NMD3: variants seen among roughly 807,000 people sequenced by gnomAD.
The protein encoded by NMD3 is 60S ribosomal export protein NMD3.
Under a neutral mutation model 73.1 loss-of-function variants are expected in NMD3, and 47 were observed. That is an observed-to-expected ratio of 0.64 (90% CI 0.51 to 0.82). The LOEUF is 0.82. Among genes scored for constraint, NMD3 ranks in the 40% least tolerant of loss-of-function variants. The pLI is 0.00. For synonymous variants in NMD3, 210 were observed against 194.5 expected (o/e 1.08, Z -0.66); for missense variants, 554 against 612.5 (o/e 0.90, Z 1.01).
Position 161,238,109 on chromosome 3 carries a change from T to C in NMD3, c.578-4T>C. 6.6e-7 allele frequency: 1 copy of C among 1,520,742 alleles called. No homozygotes were observed. The allele number at this position is 1,520,742 out of a possible 1,614,324, so 94.2% of individuals were successfully genotyped here. ...TTTCATAGGGCTTTTTTTTTTTTTTTAAGATGGTCTGGATTTTTATTATTC... is the reference window on the plus strand; with the variant it reads ...TTTCATAGGGCTTTTTTTTTTTTTTCAAGATGGTCTGGATTTTTATTATTC... On this transcript the variant is annotated splice_region_variant and splice_polypyrimidine_tract_variant and intron_variant, in intron 7 of 15. Transcript: ENST00000351193.
At chr3:161,242,863 T>A (rs1216092456) in intron 11 of NMD3, among the ~76,000 whole-genome samples, 15 of 152,166 alleles carry the variant, frequency 9.9e-5, no homozygotes, top group Admixed American at 9.8e-4. Flanking sequence ...TAATTTATTC[T>A]CTTTTGTGTA....
intron 9 of NMD3, 132 bp downstream of exon 9, chr3:161,238,958 C>A: frequency 4.0e-6 from 2 of 505,524 alleles, no homozygotes; most frequent in African/African-American, 2.0e-5. Context: ...TAAGTGACTT[C>A]TAACACATTC....
At position 161,235,104 on chromosome 3, in the gene NMD3, A is replaced by G. The variant is rs762610677; in HGVS notation, c.487-18A>G. ...CTTTTTTGTGGGGCATTTATTGATCAAATAATTTATATTTTAGACTTTGCA... is the reference window on the plus strand; with the variant it reads ...CTTTTTTGTGGGGCATTTATTGATCGAATAATTTATATTTTAGACTTTGCA... On this transcript the variant is annotated intron_variant, in intron 6 of 15. Transcript: ENST00000351193. 7.7e-7 allele frequency: 1 copy of G among 1,299,158 alleles called. No individual in the cohort carries two copies. Among genetic ancestry groups the G allele is most frequent in the South Asian group, 1.3e-5 (1 of 76,518 alleles). 80.5% of individuals were successfully genotyped at this position (1,299,158 alleles called of 1,614,324 possible). A position where few individuals can be genotyped will look rare whatever the true frequency, so the allele number is the denominator to read the frequency against.
intron 11 of NMD3, among the ~76,000 whole-genome samples, chr3:161,243,977 T>A (rs1737092784): frequency 6.6e-6 from 1 of 152,174 alleles, no homozygotes; most frequent in Admixed American, 6.6e-5. Flanking sequence ...CTGTTGATAA[T>A]TCTTGCCCAT....
chr3:161,240,581 G>C (rs1736934429), intron 9 of NMD3, among the ~76,000 whole-genome samples: 1 of 134,300 alleles, frequency 7.4e-6, no homozygotes. Context: ...CTAGAGTGCA[G>C]TGGCACCACC....
chr3:161,230,491 T>C (rs1048271886), intron 4 of NMD3, among the ~76,000 whole-genome samples: 1 of 152,012 alleles, frequency 6.6e-6, no homozygotes, highest in Non-Finnish European at 1.5e-5. Context: ...TCTCTGGGAG[T>C]GTTAGAGTAC....
chr3:161,248,476 C>T (rs1254498632), intron 13 of NMD3, among the ~76,000 whole-genome samples: 2 of 151,936 alleles, frequency 1.3e-5, no homozygotes, highest in Non-Finnish European at 2.9e-5. Flanking sequence ...GGTGATAGAG[C>T]AAGATTCCGT....
At chr3:161,246,796 A>G (rs996723927) in intron 12 of NMD3, among the ~76,000 whole-genome samples, 3 of 152,222 alleles carry the variant, frequency 2.0e-5, no homozygotes, top group African/African-American at 7.2e-5. Context: ...AGATATGACA[A>G]CTATATATAT....
intron 5 of NMD3, among the ~76,000 whole-genome samples, 152 bp from the exon 6 acceptor site, chr3:161,234,574 GT>G (rs1436650342): frequency 6.6e-6 from 1 of 151,866 alleles, no homozygotes; most frequent in East Asian, 1.9e-4. Context: ...AGTATAACTT[GT>G]TTTTATGACT....
chr3:161,246,713 A>G (rs1214512563), intron 12 of NMD3, among the ~76,000 whole-genome samples: 4 of 152,190 alleles, frequency 2.6e-5, no homozygotes, highest in Non-Finnish European at 5.9e-5. Context: ...GGTTGTATCC[A>G]TATTTAGAAC....
intron 4 of NMD3, 94 bp downstream of exon 4, chr3:161,227,437 A>ATTTTTT (rs55825529): frequency 1.4e-5 from 5 of 360,854 alleles, no homozygotes; most frequent in African/African-American, 5.8e-5. Context: ...TTCAAAAGGA[A>ATTTTTT]TTTTTTTTTT....
chr3:161,222,478 C>T (rs78710377), intron 2 of NMD3, among the ~76,000 whole-genome samples: 11,062 of 151,704 alleles, frequency 0.073, 622 homozygotes, highest in South Asian at 0.18. Flanking sequence ...CCGAGTAGCT[C>T]GGATGACTTC....
At chr3:161,253,001 G>A (rs150981667), downstream of NMD3, 32,496 of 328,688 alleles carry the variant, frequency 0.099, 2,076 homozygotes, top group East Asian at 0.24. Flanking sequence ...GGACGCTGAG[G>A]CAGGAGAATC....
chr3:161,243,434 A>G (rs534805207), intron 11 of NMD3, among the ~76,000 whole-genome samples: 1 of 152,270 alleles, frequency 6.6e-6, no homozygotes, highest in South Asian at 2.1e-4. Flanking sequence ...CTGTGTTCAG[A>G]TTTCCTCATT....
chr3:161,247,461 G>T, intron 13 of NMD3, 131 bp downstream of exon 13: 1 of 516,506 alleles, frequency 1.9e-6, no homozygotes, highest in Non-Finnish European at 3.4e-6. Context: ...TGCAGATAAG[G>T]TATAATAGCA....
At chr3:161,243,774 A>G (rs1737083611) in intron 11 of NMD3, among the ~76,000 whole-genome samples, 1 of 152,210 alleles carries the variant, frequency 6.6e-6, no homozygotes, top group South Asian at 2.1e-4. Context: ...AGATGATGCC[A>G]TGTACTTTTT....
intron 13 of NMD3, among the ~76,000 whole-genome samples, chr3:161,247,950 T>C (rs1336297216): frequency 6.6e-6 from 1 of 151,536 alleles, no homozygotes; most frequent in African/African-American, 2.4e-5. Context: ...TCCCAGCTAA[T>C]GTTTAAAACA....
At chr3:161,245,777 A>G (rs1348059029) in intron 11 of NMD3, among the ~76,000 whole-genome samples, 3 of 151,852 alleles carry the variant, frequency 2.0e-5, no homozygotes, top group Non-Finnish European at 4.4e-5. Flanking sequence ...TAGCAGATGT[A>G]CTATATTATA....
chr3:161,249,552 T>C lies in NMD3; in HGVS notation c.1302T>C (p.Asp434=), dbSNP rs1378949871. The change falls in exon 14 of 16, where the codon GAT becomes GAC. Residue 434 remains aspartate, a synonymous_variant. Coordinates refer to ENST00000351193, the MANE Select transcript of NMD3 (RefSeq NM_015938.5). ...GAGAGAGAGAAAACATGGATACAGA[T>C]GATGAAAGGTCTCGCTTTTCTTTAA... ...LARERENMDT[D]DERQYQDFLE... The C allele has an allele frequency of 6.3e-7, 1 of 1,587,722 alleles. No homozygotes were observed. The highest frequency in any genetic ancestry group is 1.7e-5 in the Admixed American group (1 of 59,788).
Sources: gnomAD v4.1 joint callset for allele counts (sites outside exome capture counted in the v4.1 genomes callset) on GRCh38, gnomAD v4.1.1 for gene constraint, MANE v1.5 for transcripts, NCBI Gene and HGNC (gene_info 2026-07-23, HGNC 2026-07-21) for gene names.